Variants in BCL6 observed in about 807,000 individuals in gnomAD.
BCL6 encodes the protein BCL6 transcription repressor.
BCL6 carries 7 observed loss-of-function variants against 59.5 expected under a neutral mutation model. The observed-to-expected ratio is 0.12, with a 90% CI of 0.07 to 0.22. BCL6 has a LOEUF of 0.22. Ranked by LOEUF, BCL6 falls within the 10% of genes least tolerant of loss-of-function variation. BCL6 has a pLI of 1.00. For synonymous variants in BCL6, 339 were observed against 349.7 expected (o/e 0.97, Z 0.34); for missense variants, 685 against 939.4 (o/e 0.73, Z 3.54).
At chr3:187,745,282 A>C (rs533481746) in intron 1 of BCL6, 128 bp downstream of exon 1, 1 of 398,744 alleles carries the variant, frequency 2.5e-6, no homozygotes, top group Non-Finnish European at 4.4e-6. Flanking sequence ...ATTTGGCAAG[A>C]GCGGAAAAAA....
intron 1 of BCL6, among the ~76,000 whole-genome samples, chr3:187,744,627 A>T (rs778740100): frequency 6.6e-6 from 1 of 152,232 alleles, no homozygotes; most frequent in African/African-American, 2.4e-5. Context: ...TTTCCTTCCA[A>T]ATCTCGGTTC....
intron 1 of BCL6, among the ~76,000 whole-genome samples, chr3:187,745,128 A>G (rs533974382): frequency 4.6e-5 from 7 of 152,238 alleles, no homozygotes; most frequent in Admixed American, 1.3e-4. Flanking sequence ...AACAATAATA[A>G]TAATAAATAC....
In BCL6 at chr3:187,721,767, A is replaced by G. The variant is rs572053706; in HGVS notation, c.*691T>C. 3.5e-3 allele frequency: 805 copies of G among 231,930 alleles called. 1 individual carries two copies. Among genetic ancestry groups the G allele is most frequent in the Non-Finnish European group, 5.5e-3 (641 of 117,042 alleles). The allele number at this position is 231,930 out of a possible 1,614,324, so 14.4% of individuals were successfully genotyped here. On this transcript the variant is annotated 3_prime_UTR_variant, in exon 10 of 10. Coordinates refer to ENST00000406870, the MANE Select transcript of BCL6 (RefSeq NM_001706.5). The surrounding 1 kb of genome is among the most constrained non-coding windows in gnomAD (Gnocchi z 4.2). ...ATTGTAAACCTTCACTTGCAAAAAA[A>G]TACAAATACACTGAGGCATTTTAGA...
chr3:187,741,030 C>T (rs1711568324), intron 1 of BCL6, among the ~76,000 whole-genome samples: 2 of 152,184 alleles, frequency 1.3e-5, no homozygotes, highest in South Asian at 4.1e-4. Context: ...GATCTCAGCC[C>T]ACCGCTAGGT....
At chr3:187,732,266 A>G in intron 3 of BCL6, 1 of 375,168 alleles carries the variant, frequency 2.7e-6, no homozygotes, top group Non-Finnish European at 5.1e-6. Flanking sequence ...ACCAGAGTTA[A>G]ATTTAGCCCC....
At chr3:187,739,331 C>A (rs944227797) in intron 1 of BCL6, among the ~76,000 whole-genome samples, 3 of 152,382 alleles carry the variant, frequency 2.0e-5, no homozygotes, top group Non-Finnish European at 2.9e-5. Context: ...TTTCAGCCAA[C>A]TAGCTGCACG....
chr3:187,744,307 A>G (rs571265065), intron 1 of BCL6, among the ~76,000 whole-genome samples: 2 of 152,254 alleles, frequency 1.3e-5, no homozygotes, highest in East Asian at 1.9e-4. Flanking sequence ...TCGCAGGTGC[A>G]GTGCGCACCC....
At position 187,725,358 on chromosome 3, in the gene BCL6, T is replaced by G. The variant is rs1392601894; in HGVS notation, c.1839+141A>C. On this transcript the variant is annotated intron_variant, in intron 8 of 9. Transcript: ENST00000406870. The surrounding 1 kb of genome is among the most constrained non-coding windows in gnomAD (Gnocchi z 4.7). ...ACGGGGACTGAGTGGGACTTTCTCC[T>G]GCCCGCTCTGCTCACCTGCCCGCTC... 9.4e-6 allele frequency: 14 copies of G among 1,485,044 alleles called. No homozygotes were observed. Among genetic ancestry groups the G allele is most frequent in the Non-Finnish European group, 1.3e-5 (14 of 1,110,474 alleles). The allele number at this position is 1,485,044 out of a possible 1,614,324, so 92.0% of individuals were successfully genotyped here.
intron 9 of BCL6, among the ~76,000 whole-genome samples, chr3:187,723,994 G>A (rs1357141777): frequency 1.3e-5 from 2 of 152,152 alleles, no homozygotes; most frequent in African/African-American, 4.8e-5. Flanking sequence ...AGGAAATTAA[G>A]GTACTAAGAG....
intron 1 of BCL6, among the ~76,000 whole-genome samples, chr3:187,744,984 C>G (rs533031707): frequency 6.6e-6 from 1 of 152,104 alleles, no homozygotes; most frequent in Admixed American, 6.5e-5. Flanking sequence ...ACCCCCCAAG[C>G]ACTGTCTCGT....
intron 9 of BCL6, 109 bp from the exon 10 acceptor site, chr3:187,722,710 T>G: frequency 1.0e-5 from 15 of 1,434,692 alleles, no homozygotes; most frequent in Non-Finnish European, 1.4e-5. Flanking sequence ...GGGGCAGCTC[T>G]TGCCTCTCCA....
intron 1 of BCL6, among the ~76,000 whole-genome samples, chr3:187,743,757 G>C: frequency 7.1e-6 from 1 of 140,568 alleles, no homozygotes; most frequent in Admixed American, 7.1e-5. Context: ...CGCCCCCGGA[G>C]CTCAGCCGAT....
intron 1 of BCL6, among the ~76,000 whole-genome samples, chr3:187,744,886 T>C (rs116216672): frequency 7.9e-5 from 12 of 152,038 alleles, no homozygotes; most frequent in East Asian, 5.8e-4. Context: ...TCACAAGCCG[T>C]ACGCAAGCAG....
At chr3:187,741,551 A>C (rs1711592813) in intron 1 of BCL6, among the ~76,000 whole-genome samples, 1 of 150,044 alleles carries the variant, frequency 6.7e-6, no homozygotes, top group Non-Finnish European at 1.5e-5. Flanking sequence ...CGGAGTGGAC[A>C]TCGGGAGGGT....
At chr3:187,741,675 G>C (rs1711598315) in intron 1 of BCL6, among the ~76,000 whole-genome samples, 1 of 152,182 alleles carries the variant, frequency 6.6e-6, no homozygotes, top group Non-Finnish European at 1.5e-5. Flanking sequence ...TTGTTGCGCA[G>C]TGCTGGAAAC....
chr3:187,737,955 C>A (rs8715), intron 1 of BCL6: 22,264 of 151,804 alleles, frequency 0.15, 2,482 homozygotes, highest in African/African-American at 0.31. Flanking sequence ...TCGCTGCCTG[C>A]GCTGCGCTGG....
At chr3:187,741,741 C>T (rs1266935809) in intron 1 of BCL6, among the ~76,000 whole-genome samples, 1 of 152,222 alleles carries the variant, frequency 6.6e-6, no homozygotes, top group Admixed American at 6.5e-5. Flanking sequence ...CCTACCATTG[C>T]TCCACGCCAT....
At chr3:187,735,278 C>T (rs530299535) in intron 1 of BCL6, among the ~76,000 whole-genome samples, 7 of 152,142 alleles carry the variant, frequency 4.6e-5, no homozygotes, top group East Asian at 1.9e-4. Flanking sequence ...TTAACAATAA[C>T]GATTCGTCCG....
chr3:187,731,559 T>G (rs1363722009), intron 4 of BCL6, 150 bp downstream of exon 4: 3 of 770,232 alleles, frequency 3.9e-6, no homozygotes, highest in East Asian at 2.7e-5. Context: ...GCACAAGAGT[T>G]AAGAAGAGCA....
Sources: gnomAD v4.1 joint callset for allele counts (sites outside exome capture counted in the v4.1 genomes callset) on GRCh38, gnomAD v4.1.1 for gene constraint, Gnocchi (gnomAD v3.1) non-coding constraint, MANE v1.5 for transcripts, NCBI Gene and HGNC (gene_info 2026-07-23, HGNC 2026-07-21) for gene names.